TRIM58: variants seen among roughly 807,000 people sequenced by gnomAD.
The protein encoded by TRIM58 is E3 ubiquitin-protein ligase TRIM58.
TRIM58 carries 38 observed loss-of-function variants against 34.1 expected under a neutral mutation model. That is an observed-to-expected ratio of 1.12 (90% CI 0.86 to 1.46). The LOEUF (loss-of-function observed/expected upper bound fraction) is 1.46, where lower values mean the gene tolerates loss of function less well. Among genes scored for constraint, TRIM58 ranks in the 40% most tolerant of loss-of-function variants. TRIM58 has a pLI of 0.00. For synonymous variants in TRIM58, 273 were observed against 275.7 expected (o/e 0.99, Z 0.10); for missense variants, 677 against 642.0 (o/e 1.05, Z -0.59).
chr1:247,859,077 G>C (rs11204524), intron 1 of TRIM58, among the ~76,000 whole-genome samples: 46,648 of 151,678 alleles, frequency 0.31, 7,460 homozygotes, highest in East Asian at 0.51. Flanking sequence ...TTCTAAAGGT[G>C]TTCTCCATAT....
rs184774886 is a variant in TRIM58, at chr1:247,862,352, A to G, written c.516+1640A>G. 1.1e-4 allele frequency among the ~76,000 whole-genome samples: 17 copies of G among 152,342 alleles called. No individual in the cohort carries two copies. In the East Asian group the frequency reaches 2.5e-3, roughly 22 times the overall value. ...ATATCTTTAAACTAGTAGTGACAGTATAAGATGCAATTCTAGGTGATAGGG... is the reference window on the plus strand; with the variant it reads ...ATATCTTTAAACTAGTAGTGACAGTGTAAGATGCAATTCTAGGTGATAGGG... On this transcript the variant is annotated intron_variant, in intron 2 of 5. Transcript: ENST00000366481.
chr1:247,866,852 C>T (rs1572574139), intron 3 of TRIM58, among the ~76,000 whole-genome samples: 3 of 152,078 alleles, frequency 2.0e-5, no homozygotes, highest in Admixed American at 2.0e-4. Flanking sequence ...CCCTTTCTTC[C>T]CTGGTACTAA....
intron 5 of TRIM58, among the ~76,000 whole-genome samples, chr1:247,872,194 G>C (rs1211114036): frequency 4.6e-5 from 7 of 152,224 alleles, no homozygotes; most frequent in African/African-American, 1.7e-4. Flanking sequence ...AAAATAGTTT[G>C]ATTGGACTAA....
intron 3 of TRIM58, among the ~76,000 whole-genome samples, chr1:247,867,242 A>G (rs900102854): frequency 6.6e-6 from 1 of 152,210 alleles, no homozygotes; most frequent in Non-Finnish European, 1.5e-5. Flanking sequence ...CCTCAAATAA[A>G]TTCTATGAGT....
chr1:247,867,036 A>G (rs1433328940), intron 3 of TRIM58, among the ~76,000 whole-genome samples: 1 of 152,164 alleles, frequency 6.6e-6, no homozygotes, highest in Non-Finnish European at 1.5e-5. Flanking sequence ...AATGTATCAC[A>G]GATATATTTA....
At chr1:247,859,459 A>G (rs1663727789) in intron 1 of TRIM58, among the ~76,000 whole-genome samples, 1 of 152,194 alleles carries the variant, frequency 6.6e-6, no homozygotes, top group African/African-American at 2.4e-5. Context: ...TGTAGGATTT[A>G]TTGAGTAACT....
Position 247,876,478 on chromosome 1 carries a change from G to A in TRIM58, c.1450G>A (p.Asp484Asn), listed in dbSNP as rs530782074. 7.4e-6 allele frequency: 12 copies of A among 1,612,944 alleles called. No individual in the cohort carries two copies. The South Asian group carries it at 1.2e-4, about 16-fold the overall frequency. The change falls in exon 6 of 6, where the codon GAT (aspartate) becomes AAT (asparagine). Residue 484 changes from aspartate (D) to asparagine (N), a missense_variant. Transcript: ENST00000366481. Reference protein sequence around the residue: ...HLDPASDVRDDHL With the variant: ...HLDPASDVRDNHL Reference sequence around the variant, plus strand: ...AGATCCTGCTTCTGATGTAAGAGATGATCATCTCTAAAATTCTGTTCCCAA... The same window carrying A: ...AGATCCTGCTTCTGATGTAAGAGATAATCATCTCTAAAATTCTGTTCCCAA...
chr1:247,865,229 A>T (rs1663893530), intron 3 of TRIM58, among the ~76,000 whole-genome samples: 1 of 152,292 alleles, frequency 6.6e-6, no homozygotes, highest in African/African-American at 2.4e-5. Flanking sequence ...AAGGAAATCG[A>T]GACCTTCCTG....
At chr1:247,872,658 T>C (rs1659167709) in intron 5 of TRIM58, among the ~76,000 whole-genome samples, 1 of 152,098 alleles carries the variant, frequency 6.6e-6, no homozygotes, top group African/African-American at 2.4e-5. Context: ...AGCACATGCA[T>C]TGGGAATCAG....
chr1:247,865,844 T>G (rs371414354), intron 3 of TRIM58, among the ~76,000 whole-genome samples: 15 of 152,140 alleles, frequency 9.9e-5, no homozygotes, highest in African/African-American at 2.9e-4. Context: ...CTAAACTAAG[T>G]GATGCATGTT....
intron 3 of TRIM58, among the ~76,000 whole-genome samples, chr1:247,867,177 A>G (rs1354574863): frequency 6.6e-6 from 1 of 152,166 alleles, no homozygotes; most frequent in South Asian, 2.1e-4. Flanking sequence ...TATAATTCCT[A>G]TAAAGATATT....
rs1290998338 is a variant in TRIM58, at chr1:247,877,118, C to T, written c.*629C>T. ...ACTTTACTCAATTACTTTTAAAATC[C>T]TTTCTATTCTGAGACTAATTTTTAA... On this transcript the variant is annotated 3_prime_UTR_variant, in exon 6 of 6. Coordinates refer to ENST00000366481, the MANE Select transcript of TRIM58 (RefSeq NM_015431.4). 6.6e-6 allele frequency: 1 copy of T among 152,112 alleles called. No individual in the cohort carries two copies. The highest frequency in any genetic ancestry group is 1.5e-5 in the Non-Finnish European group (1 of 68,034). 9.4% of individuals were successfully genotyped at this position (152,112 alleles called of 1,614,324 possible).
At position 247,860,634 on chromosome 1, in the gene TRIM58, T is replaced by C. The variant is rs770354157; in HGVS notation, c.438T>C (p.Ala146=). Reference sequence around the variant, plus strand: ...CCAAACAGGTAAAGCTCCAGATGGCTCTGGAACTTATGAGGAAAGAGTTGG... The same window carrying C: ...CCAAACAGGTAAAGCTCCAGATGGCCCTGGAACTTATGAGGAAAGAGTTGG... The part of the protein sequence containing the change: ...AGSYQVKLQM[A]LELMRKELED... The change falls in exon 2 of 6, where the codon GCT becomes GCC. Residue 146 remains alanine, a synonymous_variant. Transcript: ENST00000366481. The C allele has an allele frequency of 2.0e-5, 33 of 1,613,616 alleles. No homozygotes were observed. The highest frequency in any genetic ancestry group is 3.3e-5 in the South Asian group (3 of 91,000).
chr1:247,868,008 A>C lies in TRIM58; in HGVS notation c.816A>C (p.Glu272Asp). The change falls in exon 5 of 6, where the codon GAA (glutamate) becomes GAC (aspartate). Residue 272 changes from glutamate to aspartate, a missense_variant. Physicochemically the swap from Glu to Asp is conservative, Grantham distance 45. Coordinates refer to ENST00000366481, the MANE Select transcript of TRIM58 (RefSeq NM_015431.4). ...TRLEAENIPM[E>D]LKTACCIPGR... ...TGGAAGCAGAGAACATCCCCATGGA[A>C]CTGAAGACAGCATGCTGCATCCCTG... The C allele has an allele frequency of 1.9e-6, 3 of 1,612,610 alleles. No individual in the cohort carries two copies. The South Asian group carries it at 3.3e-5, about 18-fold the overall frequency.
Position 247,857,322 on chromosome 1 carries a change from C to T in TRIM58, c.76C>T (p.Pro26Ser). 6.9e-7 allele frequency: 1 copy of T among 1,455,334 alleles called. No homozygotes were observed. Among genetic ancestry groups the T allele is most frequent in the Non-Finnish European group, 9.1e-7 (1 of 1,098,936 alleles). The allele number at this position is 1,455,334 out of a possible 1,614,324, so 90.2% of individuals were successfully genotyped here. ...GGTGTGCCTGGATTTCCTGCAGGAG[C>T]CGGTCAGCGTGGACTGCGGCCACAG... ...CPVCLDFLQE[P>S]VSVDCGHSFC... is the part of the protein sequence containing the mutation. The change falls in exon 1 of 6, where the codon CCG (proline) becomes TCG (serine). Residue 26 changes from proline to serine, a missense_variant. Pro to Ser is a moderately conservative substitution (Grantham distance 74). Coordinates refer to ENST00000366481, the MANE Select transcript of TRIM58 (RefSeq NM_015431.4).
rs1659330271 is a variant in TRIM58 at position 247,878,070 on chromosome 1, G to T, written c.*1581G>T. 6.6e-6 allele frequency: 1 copy of T among 152,316 alleles called. No individual in the cohort carries two copies. The highest frequency in any genetic ancestry group is 1.9e-4 in the East Asian group (1 of 5,184). 9.4% of individuals were successfully genotyped at this position (152,316 alleles called of 1,614,324 possible). A position where few individuals can be genotyped will look rare whatever the true frequency, so the allele number is the denominator to read the frequency against. On this transcript the variant is annotated 3_prime_UTR_variant, in exon 6 of 6. Transcript: ENST00000366481. ...CCCAGCTACTTGGGAGGCTGAGGCA[G>T]GAGAATGGCATGAACCCAGGAGGCA...
At position 247,864,808 on chromosome 1, in the gene TRIM58, A is replaced by G. The variant is rs1322835233; in HGVS notation, c.620A>G (p.Glu207Gly). Residue 207 changes from glutamate to glycine, a missense_variant, in exon 3 of 6, where the codon GAG (glutamate) becomes GGG (glycine). Transcript: ENST00000366481. ...CGGCAGCTGAGGCGGCTGGAGGCGG[A>G]GGAGCGAGCGACGCTGCAGAGACTG... is the stretch of plus-strand genomic sequence containing the variant. ...EQRQLRRLEA[E>G]ERATLQRLRE... 1 of 1,613,844 alleles carries G rather than the reference A, an allele frequency of 6.2e-7. No individual in the cohort carries two copies. The highest frequency in any genetic ancestry group is 1.1e-5 in the South Asian group (1 of 91,060).
chr1:247,875,037 A>G (rs1659247569), intron 5 of TRIM58, among the ~76,000 whole-genome samples: 1 of 152,216 alleles, frequency 6.6e-6, no homozygotes, highest in African/African-American at 2.4e-5. Context: ...AAAGCCAGCA[A>G]AGAGATATCA....
intron 5 of TRIM58, among the ~76,000 whole-genome samples, chr1:247,875,654 T>TG (rs1659266487): frequency 6.6e-6 from 1 of 152,030 alleles, no homozygotes; most frequent in South Asian, 2.1e-4. Context: ...TGTTTTTTTT[T>TG]GGGAAAGTTA....
Sources: allele counts gnomAD v4.1 joint callset (sites outside exome capture counted in the v4.1 genomes callset), GRCh38; gene constraint gnomAD v4.1.1; transcripts MANE v1.5; gene names NCBI Gene and HGNC (gene_info 2026-07-23, HGNC 2026-07-21).